The following MECOM variants were observed in gnomAD, a reference collection of about 807,000 sequenced individuals.
The protein encoded by MECOM is MDS1 and EVI1 complex locus.
In MECOM, 13 loss-of-function variants were observed where a neutral mutation model predicts 116.3. That is an observed-to-expected ratio of 0.11 (90% CI 0.07 to 0.18). MECOM has a LOEUF of 0.18. MECOM is among the 10% of genes least tolerant of loss of function. MECOM has a pLI of 1.00. For missense variants in MECOM, 1,299 were observed against 1,509.0 expected, an observed-to-expected ratio of 0.86 and a Z score of 2.31; for synonymous variants, 528 against 535.2, an observed-to-expected ratio of 0.99 and a Z score of 0.19.
intron 1 of MECOM, among the ~76,000 whole-genome samples, chr3:169,516,677 A>G (rs565756423): frequency 6.6e-6 from 1 of 152,100 alleles, no homozygotes; most frequent in Admixed American, 6.6e-5. Context: ...TCCAGAACCC[A>G]GCTCTTAATT....
intron 2 of MECOM, among the ~76,000 whole-genome samples, chr3:169,341,449 A>C (rs1266569915): frequency 1.1e-4 from 16 of 140,800 alleles, no homozygotes; most frequent in Admixed American, 2.2e-4. Context: ...AAAAAAAAAA[A>C]ACACAGAAGG....
chr3:169,626,162 G>C (rs1415672771), intron 1 of MECOM, among the ~76,000 whole-genome samples: 2 of 152,174 alleles, frequency 1.3e-5, no homozygotes, highest in Non-Finnish European at 2.9e-5. Context: ...GCATGACATA[G>C]GACTGGTGTG....
At chr3:169,592,879 T>C (rs1242281912) in intron 1 of MECOM, among the ~76,000 whole-genome samples, 1 of 152,184 alleles carries the variant, frequency 6.6e-6, no homozygotes, top group East Asian at 1.9e-4. Context: ...ATACATGATA[T>C]GTAGGCATGA....
chr3:169,219,776 T>A (rs1751890286), intron 2 of MECOM, among the ~76,000 whole-genome samples: 3 of 149,802 alleles, frequency 2.0e-5, no homozygotes, highest in African/African-American at 7.3e-5. Context: ...ATGGTATATA[T>A]ATATTATATA....
chr3:169,662,598 C>T (rs1400249633), intron 1 of MECOM, among the ~76,000 whole-genome samples: 1 of 146,802 alleles, frequency 6.8e-6, no homozygotes, highest in Non-Finnish European at 1.5e-5. Context: ...GCGATCACAG[C>T]CCCCACCTTG....
chr3:169,171,907 T>C (rs1744463714), intron 2 of MECOM, among the ~76,000 whole-genome samples: 1 of 152,000 alleles, frequency 6.6e-6, no homozygotes, highest in Non-Finnish European at 1.5e-5. Flanking sequence ...AGAGGAAACA[T>C]AGATACTAAA....
chr3:169,517,622 CA>C (rs201746001), intron 1 of MECOM, among the ~76,000 whole-genome samples: 2,749 of 151,690 alleles, frequency 0.018, 30 homozygotes, highest in Middle Eastern at 0.037. Context: ...TAATCTTATG[CA>C]AAAAAAACCT....
intron 2 of MECOM, chr3:169,146,318 G>T (rs1739900230): frequency 7.8e-7 from 1 of 1,281,828 alleles, no homozygotes; most frequent in South Asian, 1.4e-5. Context: ...GAACTCGGCC[G>T]AGAGCGGCTC....
At chr3:169,416,005 C>T (rs1426907783) in intron 1 of MECOM, among the ~76,000 whole-genome samples, 1 of 152,198 alleles carries the variant, frequency 6.6e-6, no homozygotes, top group African/African-American at 2.4e-5. Context: ...GACTTGAAAT[C>T]AGCTCTGGAC....
At chr3:169,326,944 T>A (rs1215958599) in intron 2 of MECOM, among the ~76,000 whole-genome samples, 2 of 152,232 alleles carry the variant, frequency 1.3e-5, no homozygotes, top group African/African-American at 4.8e-5. Context: ...GATGAGCTTC[T>A]GGAAGATTAT....
chr3:169,418,493 A>G (rs1198069323), intron 1 of MECOM, among the ~76,000 whole-genome samples: 1 of 152,206 alleles, frequency 6.6e-6, no homozygotes, highest in Non-Finnish European at 1.5e-5. Flanking sequence ...CAATGCGAAT[A>G]TCCTCAATAA....
chr3:169,409,224 T>C (rs1316090382), intron 1 of MECOM, among the ~76,000 whole-genome samples: 1 of 152,216 alleles, frequency 6.6e-6, no homozygotes, highest in Non-Finnish European at 1.5e-5. Flanking sequence ...CAGCTTTAGA[T>C]CACTCATTGC....
chr3:169,568,100 C>A (rs1763452287), intron 1 of MECOM, among the ~76,000 whole-genome samples: 1 of 152,148 alleles, frequency 6.6e-6, no homozygotes, highest in Admixed American at 6.5e-5. Flanking sequence ...CGTCACCTCA[C>A]CCAGGAAATG....
chr3:169,540,233 A>G (rs554355766), intron 1 of MECOM, among the ~76,000 whole-genome samples: 25 of 152,172 alleles, frequency 1.6e-4, no homozygotes, highest in Admixed American at 5.2e-4. Flanking sequence ...ACCTCTCACC[A>G]TTCACCTGAA....
At chr3:169,230,978 C>T (rs987341839) in intron 2 of MECOM, among the ~76,000 whole-genome samples, 2 of 152,064 alleles carry the variant, frequency 1.3e-5, no homozygotes, top group African/African-American at 4.8e-5. Flanking sequence ...ACTTGCCATT[C>T]ATAGACGTTT....
At chr3:169,574,863 G>T (rs1316492844) in intron 1 of MECOM, among the ~76,000 whole-genome samples, 5 of 151,486 alleles carry the variant, frequency 3.3e-5, no homozygotes, top group Non-Finnish European at 7.4e-5. Flanking sequence ...ATGAGGGGAG[G>T]GAGAAAACAC....
At chr3:169,269,588 T>A (rs932228198) in intron 2 of MECOM, among the ~76,000 whole-genome samples, 5 of 152,202 alleles carry the variant, frequency 3.3e-5, no homozygotes, top group African/African-American at 1.2e-4. Flanking sequence ...GGATTCCAGT[T>A]AATATCTTGC....
chr3:169,083,596 G>T lies in MECOM; in HGVS notation c.*1313C>A, dbSNP rs1464219872. The T allele has an allele frequency of 5.3e-6, 1 of 187,832 alleles. No homozygotes were observed. Among genetic ancestry groups the T allele is most frequent in the East Asian group, 8.2e-5 (1 of 12,124 alleles). The allele number at this position is 187,832 out of a possible 1,614,324, so 11.6% of individuals were successfully genotyped here. On this transcript the variant is annotated 3_prime_UTR_variant, in exon 17 of 17. Transcript: ENST00000651503. ...GTTTATATTGTACAAAGCATTTGAAGAAAGTACCTCAACTTGCTGATTATT... is the reference window on the plus strand; with the variant it reads ...GTTTATATTGTACAAAGCATTTGAATAAAGTACCTCAACTTGCTGATTATT...
At chr3:169,472,638 G>A (rs201751973) in intron 1 of MECOM, among the ~76,000 whole-genome samples, 5,311 of 60,484 alleles carry the variant, frequency 0.088, 665 homozygotes, top group South Asian at 0.11. Flanking sequence ...AAAAGAAAAG[G>A]AAAGGAAAGG....
Sources: gnomAD v4.1 joint callset for allele counts (sites outside exome capture counted in the v4.1 genomes callset) on GRCh38, gnomAD v4.1.1 for gene constraint, MANE v1.5 for transcripts, NCBI Gene and HGNC (gene_info 2026-07-23, HGNC 2026-07-21) for gene names.